TSPAN17: variants seen among roughly 807,000 people sequenced by gnomAD.
TSPAN17 encodes tetraspanin 17.
Under a neutral mutation model 40.5 loss-of-function variants are expected in TSPAN17, and 33 were observed. The ratio of observed to expected loss-of-function variants is 0.81; its 90% CI spans 0.62 to 1.09. The LOEUF (loss-of-function observed/expected upper bound fraction) is 1.09, where lower values mean the gene tolerates loss of function less well. Ranked by LOEUF, TSPAN17 falls within the 50% of genes least tolerant of loss-of-function variation. The pLI is 0.00. For synonymous variants in TSPAN17, 166 were observed against 169.4 expected, an observed-to-expected ratio of 0.98 and a Z score of 0.15; for missense variants, 365 against 416.8, an observed-to-expected ratio of 0.88 and a Z score of 1.08.
Position 176,651,900 on chromosome 5 carries a change from T to A in TSPAN17, c.285T>A (p.Phe95Leu). The change falls in exon 3 of 9, where the codon TTT (phenylalanine) becomes TTA (leucine). Residue 95 changes from phenylalanine (F) to leucine (L), a missense_variant and splice_region_variant. Coordinates refer to ENST00000508164, the MANE Select transcript of TSPAN17 (RefSeq NM_130465.5). This position sits in a 1 kb window ranked among gnomAD's most constrained non-coding sequence, Gnocchi z 4.5. The stretch of plus-strand genomic sequence containing the variant: ...GGGAGAACACCTTCCTGCTCAAGTT[T>A]GTGAGTGCTGCCCTCAAGATCCCCT... Reference protein sequence around the residue: ...ALRENTFLLKFFSVFLGLIFF... With the variant: ...ALRENTFLLKLFSVFLGLIFF... 6.2e-7 allele frequency: 1 copy of A among 1,613,918 alleles called. No homozygotes were observed. The highest frequency in any genetic ancestry group is 8.5e-7 in the Non-Finnish European group (1 of 1,179,992).
At chr5:176,655,896 G>C (rs1003460975) in intron 5 of TSPAN17, among the ~76,000 whole-genome samples, 182 bp from the exon 6 acceptor site, 15 of 148,256 alleles carry the variant, frequency 1.0e-4, no homozygotes, top group African/African-American at 3.8e-4. Flanking sequence ...GTGAGACCCT[G>C]TCTCAAAAAA....
intron 1 of TSPAN17, among the ~76,000 whole-genome samples, chr5:176,648,214 C>T (rs191117414): frequency 1.9e-3 from 295 of 152,298 alleles, no homozygotes; most frequent in Middle Eastern, 3.4e-3. Context: ...CAGTCCTCTG[C>T]CCACCCCAGT....
At chr5:176,648,678 G>A (rs778691621) in intron 1 of TSPAN17, among the ~76,000 whole-genome samples, 11 of 147,098 alleles carry the variant, frequency 7.5e-5, no homozygotes, top group Non-Finnish European at 1.5e-4. Flanking sequence ...GAAGTCAGAA[G>A]GCCTGGCTGT....
intron 1 of TSPAN17, among the ~76,000 whole-genome samples, chr5:176,648,522 T>C (rs901346781): frequency 1.3e-5 from 2 of 152,250 alleles, no homozygotes; most frequent in Non-Finnish European, 2.9e-5. Context: ...TGGGTCAAGA[T>C]GCCAGGCCTT....
intron 5 of TSPAN17, among the ~76,000 whole-genome samples, chr5:176,655,585 C>T (rs952792890): frequency 1.3e-5 from 2 of 152,070 alleles, no homozygotes; most frequent in Non-Finnish European, 2.9e-5. Flanking sequence ...GATTCCTGAA[C>T]GGAGGCAGGT....
At chr5:176,649,738 G>A (rs1760892001) in intron 1 of TSPAN17, among the ~76,000 whole-genome samples, 1 of 152,154 alleles carries the variant, frequency 6.6e-6, no homozygotes, top group African/African-American at 2.4e-5. Flanking sequence ...TCCTGCTCGT[G>A]GTTTCTTACT....
intron 1 of TSPAN17, among the ~76,000 whole-genome samples, chr5:176,648,673 C>T (rs1276880758): frequency 6.6e-6 from 1 of 152,208 alleles, no homozygotes; most frequent in Non-Finnish European, 1.5e-5. Context: ...GCAAAGAAGT[C>T]AGAAGGCCTG....
In TSPAN17 at chr5:176,651,642, C is replaced by T. The variant is rs748761804; in HGVS notation, c.114C>T (p.Ile38=). ...TGCTGGGAGCCCTGTTCCTGGCTAT[C>T]GGCCTCTGGGCCTGGGGTGAGAAGG... ...FWVLGALFLA[I]GLWAWGEKGV... Residue 38 remains isoleucine, a synonymous_variant, in exon 2 of 9, where the codon ATC becomes ATT. Transcript: ENST00000508164. The surrounding 1 kb of genome is among the most constrained non-coding windows in gnomAD (Gnocchi z 4.5). 3.7e-6 allele frequency: 6 copies of T among 1,613,736 alleles called. No individual in the cohort carries two copies. The South Asian group carries it at 5.5e-5, about 15-fold the overall frequency.
chr5:176,651,983 G>A lies in TSPAN17; in HGVS notation c.285+83G>A, dbSNP rs1337608646. The A allele has an allele frequency of 6.5e-7, 1 of 1,539,118 alleles. No individual in the cohort carries two copies. The highest frequency in any genetic ancestry group is 8.8e-7 in the Non-Finnish European group (1 of 1,130,366). On this transcript the variant is annotated intron_variant, in intron 3 of 8. Coordinates refer to ENST00000508164, the MANE Select transcript of TSPAN17 (RefSeq NM_130465.5). This position sits in a 1 kb window ranked among gnomAD's most constrained non-coding sequence, Gnocchi z 4.5. ...CAATACAGTTGGAGCTTAATGATGG[G>A]TAGCTTTATTATTATGCTATAATCG...
In TSPAN17 at chr5:176,657,394, C is replaced by T. The variant is rs1056611444; in HGVS notation, c.810-124C>T. ...GCGCGTTGCCTGAGCCACTGCCTCA[C>T]ACAGCTTCAGAGCACTCTTTTCTAT... is the stretch of plus-strand genomic sequence containing the variant. On this transcript the variant is annotated intron_variant, in intron 8 of 8. Transcript: ENST00000508164. 1.1e-5 allele frequency: 17 copies of T among 1,484,206 alleles called. No individual in the cohort carries two copies. In the African/African-American group the frequency reaches 1.8e-4, roughly 16 times the overall value. The allele number at this position is 1,484,206 out of a possible 1,614,324, so 91.9% of individuals were successfully genotyped here.
At chr5:176,657,365 T>A in intron 8 of TSPAN17, 153 bp from the exon 9 acceptor site, 7 of 1,333,718 alleles carry the variant, frequency 5.2e-6, no homozygotes, top group Non-Finnish European at 7.1e-6. Flanking sequence ...CGTAGCTGTA[T>A]GGGGCGCGTT....
In TSPAN17 at chr5:176,658,109, G is replaced by C. The variant is rs61580291; in HGVS notation, c.*411G>C. The C allele has an allele frequency of 2.5e-5, 4 of 160,824 alleles. No individual in the cohort carries two copies. Among genetic ancestry groups the C allele is most frequent in the Non-Finnish European group, 5.4e-5 (4 of 73,750 alleles). 10.0% of individuals were successfully genotyped at this position (160,824 alleles called of 1,614,324 possible). The stretch of plus-strand genomic sequence containing the variant: ...AGTAGCTGGAAGCCATGGGACTGGC[G>C]GGAGCCTGTTTGGGGGATCTGGATG... On this transcript the variant is annotated 3_prime_UTR_variant, in exon 9 of 9. Transcript: ENST00000508164.
At chr5:176,652,632 T>A (rs992781563) in intron 3 of TSPAN17, 111 bp from the exon 4 acceptor site, 1 of 1,050,208 alleles carries the variant, frequency 9.5e-7, no homozygotes, top group Non-Finnish European at 1.4e-6. Flanking sequence ...TGGGCGCCTC[T>A]GGGTCTTGGT....
intron 8 of TSPAN17, 65 bp downstream of exon 8, chr5:176,657,021 A>T (rs964981382): frequency 5.3e-6 from 8 of 1,507,102 alleles, no homozygotes; most frequent in Non-Finnish European, 6.3e-6. Context: ...GCCCCCCAGG[A>T]CCCTCCTACT....
chr5:176,655,160 G>T, intron 5 of TSPAN17, 140 bp downstream of exon 5: 1 of 1,133,726 alleles, frequency 8.8e-7, no homozygotes, highest in East Asian at 2.6e-5. Flanking sequence ...GGGTGGCACT[G>T]AGGCCTGTTG....
rs915496683 is a variant in TSPAN17 at position 176,650,197 on chromosome 5, G to A, written c.88-1419G>A. On this transcript the variant is annotated intron_variant, in intron 1 of 8. Coordinates refer to ENST00000508164, the MANE Select transcript of TSPAN17 (RefSeq NM_130465.5). The surrounding 1 kb of genome is among the most constrained non-coding windows in gnomAD (Gnocchi z 4.0). ...GGACGTAGGGGTGTGGGACCAGCAT[G>A]AGGTCTGGGTGGGGATCGGGAGATG... 6.6e-6 allele frequency among the ~76,000 whole-genome samples: 1 copy of A among 152,158 alleles called. No homozygotes were observed. Among genetic ancestry groups the A allele is most frequent in the Non-Finnish European group, 1.5e-5 (1 of 68,030 alleles).
In TSPAN17 at chr5:176,654,870, C is replaced by A. The variant is rs781468565; in HGVS notation, c.457-25C>A. The A allele has an allele frequency of 8.1e-6, 13 of 1,612,326 alleles. No homozygotes were observed. The African/African-American group carries it at 1.6e-4, about 20-fold the overall frequency. On this transcript the variant is annotated intron_variant, in intron 4 of 8. Coordinates refer to ENST00000508164, the MANE Select transcript of TSPAN17 (RefSeq NM_130465.5). This position sits in a 1 kb window ranked among gnomAD's most constrained non-coding sequence, Gnocchi z 4.3. ...GGCTCCTGGGATGGGCCTGGCTCACCTGGGGCTCTCCCCTGCCCCCACAGT... is the reference window on the plus strand; with the variant it reads ...GGCTCCTGGGATGGGCCTGGCTCACATGGGGCTCTCCCCTGCCCCCACAGT...
intron 5 of TSPAN17, 49 bp from the exon 6 acceptor site, chr5:176,656,029 C>A (rs1761142804): frequency 6.3e-7 from 1 of 1,584,562 alleles, no homozygotes; most frequent in East Asian, 2.2e-5. Flanking sequence ...ACCATGGACC[C>A]CATGGGATGC....
rs1438538551 is a variant in TSPAN17, at chr5:176,656,907, T to A, written c.760T>A (p.Cys254Ser). ...GIALLQIFGICLAQNLVSDIK... is the reference protein window; with the variant it reads ...GIALLQIFGISLAQNLVSDIK... ...CTCTGTCTTACAGATCTTTGGCATC[T>A]GCCTGGCCCAGAACCTCGTGAGTGA... Residue 254 changes from cysteine (C) to serine (S), a missense_variant, in exon 8 of 9, where the codon TGC becomes AGC. By Grantham distance (112) the Cys-to-Ser change is moderately radical. Coordinates refer to ENST00000508164, the MANE Select transcript of TSPAN17 (RefSeq NM_130465.5). 6.2e-7 allele frequency: 1 copy of A among 1,614,080 alleles called. No homozygotes were observed. Among genetic ancestry groups the A allele is most frequent in the Non-Finnish European group, 8.5e-7 (1 of 1,180,036 alleles).
Sources: gnomAD v4.1 joint callset for allele counts (sites outside exome capture counted in the v4.1 genomes callset) on GRCh38, gnomAD v4.1.1 for gene constraint, Gnocchi (gnomAD v3.1) non-coding constraint, MANE v1.5 for transcripts, NCBI Gene and HGNC (gene_info 2026-07-23, HGNC 2026-07-21) for gene names.